Variants in MSL2 observed in about 807,000 individuals in gnomAD.
MSL2 encodes E3 ubiquitin-protein ligase MSL2.
Under a neutral mutation model 35.8 loss-of-function variants are expected in MSL2, and 2 were observed. That is an observed-to-expected ratio of 0.06 (90% CI 0.02 to 0.18). MSL2 has a LOEUF of 0.18. Ranked by LOEUF, MSL2 falls within the 10% of genes least tolerant of loss-of-function variation. The pLI is 1.00. For synonymous variants in MSL2, 296 were observed against 255.7 expected, an observed-to-expected ratio of 1.16 and a Z score of -1.50; for missense variants, 523 against 706.7, an observed-to-expected ratio of 0.74 and a Z score of 2.95.
intron 1 of MSL2, among the ~76,000 whole-genome samples, chr3:136,153,349 G>A (rs745678495): frequency 3.9e-4 from 60 of 152,310 alleles, no homozygotes; most frequent in Admixed American, 3.1e-3. Context: ...ACAGATATGA[G>A]TAAGAGAGAT....
At chr3:136,181,932 A>ATAAAT (rs1308444953) in intron 1 of MSL2, among the ~76,000 whole-genome samples, 3 of 142,510 alleles carry the variant, frequency 2.1e-5, no homozygotes, top group African/African-American at 9.1e-5. Context: ...AAATAAATAA[A>ATAAAT]TAAATAAATA....
chr3:136,195,486 G>C lies in MSL2; in HGVS notation c.-373C>G, dbSNP rs865779687. ...GCACTCGAGCTCCATCTCCGGACAC[G>C]GAGGCGCCTCCTCAAGTCGAGCTGG... On this transcript the variant is annotated 5_prime_UTR_variant, in exon 1 of 2. Coordinates refer to ENST00000309993, the MANE Select transcript of MSL2 (RefSeq NM_018133.4). 2.9e-5 allele frequency: 29 copies of C among 1,017,174 alleles called. No individual in the cohort carries two copies. Among genetic ancestry groups the C allele is most frequent in the Non-Finnish European group, 3.2e-5 (27 of 850,432 alleles). 63.0% of individuals were successfully genotyped at this position (1,017,174 alleles called of 1,614,324 possible).
chr3:136,180,779 AGGG>A, intron 1 of MSL2, among the ~76,000 whole-genome samples: 6 of 43,464 alleles, frequency 1.4e-4, no homozygotes, highest in Admixed American at 2.8e-4. Context: ...GGAGGGAGGG[AGGG>A]AGGGAGGGAG....
chr3:136,182,829 A>G (rs1940407755), intron 1 of MSL2, among the ~76,000 whole-genome samples: 1 of 152,234 alleles, frequency 6.6e-6, no homozygotes, highest in African/African-American at 2.4e-5. Context: ...GAAGCCCCAG[A>G]AAGAAGCAGT....
chr3:136,192,138 G>A (rs546500217), intron 1 of MSL2, among the ~76,000 whole-genome samples: 1 of 152,172 alleles, frequency 6.6e-6, no homozygotes, highest in African/African-American at 2.4e-5. Context: ...CTTATGACTG[G>A]AACAAAGGTT....
At position 136,152,333 on chromosome 3, in the gene MSL2, C is replaced by G; in HGVS notation, c.548G>C (p.Ser183Thr). 2 of 1,614,142 alleles carry G rather than the reference C, an allele frequency of 1.2e-6. No individual in the cohort carries two copies. The highest frequency in any genetic ancestry group is 1.1e-5 in the South Asian group (1 of 91,082). Reference protein sequence around the residue: ...SLSPMSESTLSIAIGSSVING... With the variant: ...SLSPMSESTLTIAIGSSVING... The stretch of plus-strand genomic sequence containing the variant: ...GATAACAGAACTGCCAATAGCAATG[C>G]TGAGGGTGCTTTCAGACATTGGAGA... The change falls in exon 2 of 2, where the codon AGC becomes ACC. Residue 183 changes from serine (S) to threonine (T), a missense_variant. By Grantham distance (58) the Ser-to-Thr change is moderately conservative. Coordinates refer to ENST00000309993, the MANE Select transcript of MSL2 (RefSeq NM_018133.4).
At chr3:136,189,428 A>C (rs1327178280) in intron 1 of MSL2, among the ~76,000 whole-genome samples, 2 of 146,848 alleles carry the variant, frequency 1.4e-5, no homozygotes, top group Non-Finnish European at 3.0e-5. Flanking sequence ...TGTGCTCTAA[A>C]GAATTCTTCC....
intron 1 of MSL2, among the ~76,000 whole-genome samples, chr3:136,182,453 G>A (rs1039356699): frequency 7.2e-5 from 11 of 152,280 alleles, no homozygotes; most frequent in Non-Finnish European, 1.3e-4. Flanking sequence ...TCCCTGAAAA[G>A]GGGAACAAAT....
chr3:136,180,241 TTAC>T (rs1288727146), intron 1 of MSL2, among the ~76,000 whole-genome samples: 9 of 152,138 alleles, frequency 5.9e-5, no homozygotes, highest in Admixed American at 6.5e-5. Context: ...TTGTATTTTG[TTAC>T]TACGTGATAA....
At chr3:136,171,702 C>T (rs1940029437) in intron 1 of MSL2, among the ~76,000 whole-genome samples, 1 of 152,120 alleles carries the variant, frequency 6.6e-6, no homozygotes, top group Non-Finnish European at 1.5e-5. Context: ...CCCTCAGTTT[C>T]TTAAAGCTAT....
chr3:136,158,631 A>G (rs1220379615), intron 1 of MSL2, among the ~76,000 whole-genome samples: 1 of 152,130 alleles, frequency 6.6e-6, no homozygotes. Context: ...TCAAAAGGAA[A>G]AGAAAAAAAA....
At position 136,186,957 on chromosome 3, in the gene MSL2, G is replaced by C. The variant is rs372742670; in HGVS notation, c.142+8015C>G. ...AAACAATATAAATACTATGTAAGTAGTTGTTATACTGTAATGCTTAGAGAA... is the reference window on the plus strand; with the variant it reads ...AAACAATATAAATACTATGTAAGTACTTGTTATACTGTAATGCTTAGAGAA... On this transcript the variant is annotated intron_variant, in intron 1 of 1. Transcript: ENST00000309993. 8.1e-4 allele frequency among the ~76,000 whole-genome samples: 123 copies of C among 152,166 alleles called. 4 individuals carry two copies. The South Asian group carries it at 0.024, about 30-fold the overall frequency.
intron 1 of MSL2, among the ~76,000 whole-genome samples, chr3:136,187,669 C>CA (rs67802854): frequency 0.011 from 1,502 of 137,064 alleles, 18 homozygotes; most frequent in African/African-American, 0.029. Flanking sequence ...GACTCCGTCT[C>CA]AAAAAAAAAA....
intron 1 of MSL2, among the ~76,000 whole-genome samples, chr3:136,183,177 T>C (rs1321384648): frequency 1.3e-5 from 2 of 152,022 alleles, no homozygotes; most frequent in Non-Finnish European, 2.9e-5. Flanking sequence ...CAGGAAAATA[T>C]AACCCATGAT....
Position 136,152,165 on chromosome 3 carries a change from C to T in MSL2, c.716G>A (p.Cys239Tyr). 1 of 1,614,190 alleles carries T rather than the reference C, an allele frequency of 6.2e-7. No homozygotes were observed. Among genetic ancestry groups the T allele is most frequent in the South Asian group, 1.1e-5 (1 of 91,086 alleles). Residue 239 changes from cysteine to tyrosine, a missense_variant, in exon 2 of 2, where the codon TGT (cysteine) becomes TAT (tyrosine). Cys to Tyr is a radical substitution (Grantham distance 194). Coordinates refer to ENST00000309993, the MANE Select transcript of MSL2 (RefSeq NM_018133.4). ...EDLSDSLPPV[C>Y]DTVATDLCST... The stretch of plus-strand genomic sequence containing the variant: ...ACATAAGTCAGTGGCTACTGTGTCA[C>T]AAACGGGTGGCAGGCTGTCAGACAG...
intron 1 of MSL2, among the ~76,000 whole-genome samples, chr3:136,158,729 C>T (rs754394701): frequency 2.0e-5 from 3 of 152,182 alleles, no homozygotes; most frequent in Admixed American, 1.3e-4. Context: ...AAAACGCACA[C>T]ACGCAAACTA....
chr3:136,194,264 T>C, intron 1 of MSL2: 1 of 235,462 alleles, frequency 4.2e-6, no homozygotes, highest in Non-Finnish European at 6.9e-6. Flanking sequence ...GCATATCTCT[T>C]CTATCTTAAA....
chr3:136,167,178 A>G (rs1434178125), intron 1 of MSL2, among the ~76,000 whole-genome samples: 1 of 152,184 alleles, frequency 6.6e-6, no homozygotes, highest in Non-Finnish European at 1.5e-5. Flanking sequence ...AATGGCAAAA[A>G]TTATCAGAGA....
At chr3:136,177,681 A>T (rs937329947) in intron 1 of MSL2, among the ~76,000 whole-genome samples, 83 of 69,852 alleles carry the variant, frequency 1.2e-3, no homozygotes, top group African/African-American at 3.2e-3. Flanking sequence ...TCCGTCTCAT[A>T]AAAAAAAAAA....
Sources: gnomAD v4.1 joint callset for allele counts (sites outside exome capture counted in the v4.1 genomes callset) on GRCh38, gnomAD v4.1.1 for gene constraint, MANE v1.5 for transcripts, NCBI Gene and HGNC (gene_info 2026-07-23, HGNC 2026-07-21) for gene names.